Variants in HEXA observed in about 807,000 individuals in gnomAD.
HEXA encodes beta-hexosaminidase subunit alpha.
In HEXA, 54 loss-of-function variants were observed where a neutral mutation model predicts 73.3. That is an observed-to-expected ratio of 0.74 (90% CI 0.59 to 0.92). The LOEUF is 0.92. HEXA is among the 40% of genes least tolerant of loss of function. HEXA has a pLI of 0.00. For missense variants in HEXA, 649 were observed against 653.0 expected (o/e 0.99, Z 0.07); for synonymous variants, 230 against 246.9 (o/e 0.93, Z 0.64).
chr15:72,372,637 T>A (rs2089008605), intron 1 of HEXA, among the ~76,000 whole-genome samples: 1 of 152,168 alleles, frequency 6.6e-6, no homozygotes, highest in African/African-American at 2.4e-5. Context: ...ACCCTCCAAT[T>A]GGTAGAAACA....
intron 12 of HEXA, 23 bp downstream of exon 12, chr15:72,346,212 A>T (rs760711276): frequency 3.1e-5 from 49 of 1,582,650 alleles, no homozygotes; most frequent in African/African-American, 5.4e-5. Context: ...CCAACCCTCC[A>T]CCTCCCCCCC....
intron 12 of HEXA, 61 bp from the exon 13 acceptor site, chr15:72,345,611 T>A: frequency 6.2e-7 from 1 of 1,600,916 alleles, no homozygotes; most frequent in East Asian, 2.2e-5. Context: ...GTGCTGGACA[T>A]CCACAGGCTG....
At chr15:72,372,088 C>T (rs551460893) in intron 1 of HEXA, among the ~76,000 whole-genome samples, 1 of 152,114 alleles carries the variant, frequency 6.6e-6, no homozygotes, top group South Asian at 2.1e-4. Flanking sequence ...GTGGCTCACA[C>T]CTGTAATCTT....
At chr15:72,351,769 C>T (rs1297013653) in intron 5 of HEXA, 2 of 162,752 alleles carry the variant, frequency 1.2e-5, no homozygotes, top group Non-Finnish European at 2.7e-5. Context: ...GATAAGACTG[C>T]ACATTAAACT....
rs761297135 is a variant in HEXA, at chr15:72,351,155, G to A, written c.650C>T (p.Thr217Ile). The A allele has an allele frequency of 6.2e-7, 1 of 1,609,086 alleles. No homozygotes were observed. The highest frequency in any genetic ancestry group is 1.7e-5 in the Admixed American group (1 of 60,022). The change falls in exon 6 of 14, where the codon ACT becomes ATT. Residue 217 changes from threonine (T) to isoleucine (I), a missense_variant. By Grantham distance (89) the Thr-to-Ile change is moderately conservative. Transcript: ENST00000268097. ...TACCTTTCTCATGAGCTCTGGAAAA[G>A]TGAAGCTCTCATATGGGAAGGAAGG... ...DDPSFPYESFTFPELMRKGSY... is the reference protein window; with the variant it reads ...DDPSFPYESFIFPELMRKGSY...
chr15:72,351,610 G>A, intron 5 of HEXA: 1 of 333,002 alleles, frequency 3.0e-6, no homozygotes. Flanking sequence ...TCTGACTGAT[G>A]TTAAGCCCAA....
In HEXA at chr15:72,369,743, T is replaced by C. The variant is rs575527613; in HGVS notation, c.253+5977A>G. 2.0e-5 allele frequency among the ~76,000 whole-genome samples: 3 copies of C among 152,316 alleles called. No individual in the cohort carries two copies. In the South Asian group the frequency reaches 6.2e-4, roughly 32 times the overall value. On this transcript the variant is annotated intron_variant, in intron 1 of 13. Coordinates refer to ENST00000268097, the MANE Select transcript of HEXA (RefSeq NM_000520.6). ...AGTACTGGTAAGGCTGTAAAACTCCTTTCCCTCTATATAACAACAGGAAAG... is the reference window on the plus strand; with the variant it reads ...AGTACTGGTAAGGCTGTAAAACTCCCTTCCCTCTATATAACAACAGGAAAG...
Position 72,356,515 on chromosome 15 carries a change from T to C in HEXA, c.346+10A>G, listed in dbSNP as rs2140328935. ...TGCTCTTCTAAGACAGGGAACAGGA[T>C]GGTACTTACAATTCTCCACTGACTC... On this transcript the variant is annotated intron_variant, in intron 2 of 13. Transcript: ENST00000268097. The C allele has an allele frequency of 6.2e-7, 1 of 1,613,966 alleles. No homozygotes were observed. The highest frequency in any genetic ancestry group is 8.5e-7 in the Non-Finnish European group (1 of 1,179,948).
chr15:72,355,997 C>T (rs1319382320), intron 2 of HEXA: 6 of 467,130 alleles, frequency 1.3e-5, no homozygotes, highest in South Asian at 3.1e-5. Context: ...GAGTGCAGCA[C>T]GCGATGCTCC....
chr15:72,351,130 T>C lies in HEXA; in HGVS notation c.672+3A>G, dbSNP rs572232325. ...ACTTGGTCTGAGTGAAACGGGAACA[T>C]ACCTTTCTCATGAGCTCTGGAAAAG... On this transcript the variant is annotated splice_donor_region_variant and intron_variant, in intron 6 of 13. Coordinates refer to ENST00000268097, the MANE Select transcript of HEXA (RefSeq NM_000520.6). 3 of 1,581,670 alleles carry C rather than the reference T, an allele frequency of 1.9e-6. No homozygotes were observed. The highest frequency in any genetic ancestry group is 2.2e-5 in the East Asian group (1 of 44,724).
At chr15:72,344,498 A>C (rs2088585384) in intron 13 of HEXA, among the ~76,000 whole-genome samples, 1 of 152,168 alleles carries the variant, frequency 6.6e-6, no homozygotes, top group South Asian at 2.1e-4. Flanking sequence ...CTCTTGGTCT[A>C]CTTAGCCCTC....
At position 72,346,577 on chromosome 15, in the gene HEXA, T is replaced by C. The variant is rs756026917; in HGVS notation, c.1280A>G (p.Tyr427Cys). The change falls in exon 11 of 14, where the codon TAT (tyrosine) becomes TGT (cysteine). Residue 427 changes from tyrosine (Y) to cysteine (C), a missense_variant. By Grantham distance (194) the Tyr-to-Cys change is radical (BLOSUM62 -2). Transcript: ENST00000268097. ...GTAGAAATCCTTCCAGTCAGGGCCA[T>C]AGGATATACGGTTCAGGTACCAGGG... ...SAPWYLNRIS[Y>C]GPDWKDFYIV... The C allele has an allele frequency of 6.2e-6, 10 of 1,613,912 alleles. No individual in the cohort carries two copies. The highest frequency in any genetic ancestry group is 1.3e-5 in the African/African-American group (1 of 74,914).
At chr15:72,372,069 C>T (rs2089001539) in intron 1 of HEXA, among the ~76,000 whole-genome samples, 2 of 152,068 alleles carry the variant, frequency 1.3e-5, no homozygotes, top group Non-Finnish European at 2.9e-5. Context: ...GCAGTCATGG[C>T]CAGGTGCAGT....
At chr15:72,349,929 A>G (rs2088673740) in intron 7 of HEXA, among the ~76,000 whole-genome samples, 1 of 151,904 alleles carries the variant, frequency 6.6e-6, no homozygotes, top group Admixed American at 6.6e-5. Flanking sequence ...ACGCCTGGCT[A>G]ATTTTTGTAT....
intron 5 of HEXA, among the ~76,000 whole-genome samples, chr15:72,352,040 T>C (rs906988062): frequency 2.0e-5 from 3 of 152,142 alleles, no homozygotes; most frequent in Non-Finnish European, 4.4e-5. Flanking sequence ...CATGCATCCT[T>C]GATCTCCCCA....
intron 1 of HEXA, chr15:72,362,608 G>C (rs1480816684): frequency 4.9e-6 from 2 of 404,150 alleles, no homozygotes; most frequent in Admixed American, 2.6e-5. Context: ...TCCTGAGACT[G>C]GGGTGGGCGA....
At chr15:72,356,869 C>T (rs3784586) in intron 1 of HEXA, 85 of 580,436 alleles carry the variant, frequency 1.5e-4, no homozygotes, top group Non-Finnish European at 2.4e-4. Context: ...TTAACCAGGG[C>T]TCTATATTTC....
At chr15:72,368,674 T>G (rs1380345672) in intron 1 of HEXA, among the ~76,000 whole-genome samples, 1 of 152,174 alleles carries the variant, frequency 6.6e-6, no homozygotes, top group Non-Finnish European at 1.5e-5. Flanking sequence ...CTGAAGGGTT[T>G]TTCATGAGCC....
At chr15:72,351,364 T>C (rs1247300768) in intron 5 of HEXA, 130 bp from the exon 6 acceptor site, 3 of 721,268 alleles carry the variant, frequency 4.2e-6, no homozygotes, top group South Asian at 1.5e-5. Flanking sequence ...AGCTCTCAAT[T>C]AAGTATTTAT....
Sources: gnomAD v4.1 joint callset for allele counts (sites outside exome capture counted in the v4.1 genomes callset) on GRCh38, gnomAD v4.1.1 for gene constraint, MANE v1.5 for transcripts, NCBI Gene and HGNC (gene_info 2026-07-23, HGNC 2026-07-21) for gene names.